Variants in TMPRSS12 observed in about 807,000 individuals in gnomAD.
The protein encoded by TMPRSS12 is transmembrane protease serine 12.
In TMPRSS12, 25 loss-of-function variants were observed where a neutral mutation model predicts 26.0. The ratio of observed to expected loss-of-function variants is 0.96; its 90% CI spans 0.70 to 1.34. TMPRSS12 has a LOEUF of 1.34. Among genes scored for constraint, TMPRSS12 ranks in the 40% most tolerant of loss-of-function variants. The pLI, the probability that TMPRSS12 is intolerant of heterozygous loss-of-function variation, is 0.00. For missense variants in TMPRSS12, 441 were observed against 440.1 expected (o/e 1.00, Z -0.02); for synonymous variants, 150 against 161.7 (o/e 0.93, Z 0.55).
intron 3 of TMPRSS12, among the ~76,000 whole-genome samples, chr12:50,862,807 G>A (rs547849945): frequency 9.2e-5 from 14 of 152,066 alleles, no homozygotes; most frequent in Admixed American, 3.3e-4. Context: ...GACTACAGGC[G>A]TGAGCCCCTG....
intron 4 of TMPRSS12, 194 bp downstream of exon 4, chr12:50,885,582 A>C (rs1229318693): frequency 1.5e-6 from 1 of 685,000 alleles, no homozygotes; most frequent in African/African-American, 1.8e-5. Flanking sequence ...TGTCATCAGT[A>C]GGCAGAATTT....
In TMPRSS12 at chr12:50,887,548, A is replaced by C; in HGVS notation, c.*35A>C. On this transcript the variant is annotated 3_prime_UTR_variant, in exon 5 of 5. Coordinates refer to ENST00000398458, the MANE Select transcript of TMPRSS12 (RefSeq NM_182559.3). ...GAAGGCTTTCATATCTTTATTTTGC[A>C]TTGTGTCCCTTTCTATGTTCTATAT... 1 of 1,593,874 alleles carries C rather than the reference A, an allele frequency of 6.3e-7. No homozygotes were observed. Among genetic ancestry groups the C allele is most frequent in the African/African-American group, 1.4e-5 (1 of 73,974 alleles).
intron 3 of TMPRSS12, among the ~76,000 whole-genome samples, chr12:50,879,169 G>T (rs573713809): frequency 2.0e-5 from 3 of 152,244 alleles, no homozygotes; most frequent in East Asian, 3.9e-4. Flanking sequence ...ACTCAAAATG[G>T]ATCATAGACC....
chr12:50,865,256 C>T (rs1937980223), intron 3 of TMPRSS12, among the ~76,000 whole-genome samples: 1 of 152,024 alleles, frequency 6.6e-6, no homozygotes, highest in African/African-American at 2.4e-5. Flanking sequence ...TCACTTGAAC[C>T]AGGAGGCAGA....
At chr12:50,869,428 C>T (rs1349055721) in intron 3 of TMPRSS12, among the ~76,000 whole-genome samples, 1 of 152,098 alleles carries the variant, frequency 6.6e-6, no homozygotes, top group Non-Finnish European at 1.5e-5. Context: ...TGGAAAAATA[C>T]AACCCTCCTA....
chr12:50,865,019 G>A (rs924512756), intron 3 of TMPRSS12, among the ~76,000 whole-genome samples: 1 of 152,054 alleles, frequency 6.6e-6, no homozygotes, highest in Non-Finnish European at 1.5e-5. Flanking sequence ...AATGAAAAAC[G>A]TAATTGCTAG....
At chr12:50,861,043 T>C (rs952288760) in intron 3 of TMPRSS12, among the ~76,000 whole-genome samples, 2 of 152,156 alleles carry the variant, frequency 1.3e-5, no homozygotes, top group African/African-American at 4.8e-5. Flanking sequence ...ATGCCTGTCC[T>C]GGGTCCTGTT....
chr12:50,858,632 C>G (rs1937904079), intron 2 of TMPRSS12, among the ~76,000 whole-genome samples, 153 bp from the exon 3 acceptor site: 1 of 152,052 alleles, frequency 6.6e-6, no homozygotes, highest in Admixed American at 6.5e-5. Context: ...TTCCCTAGAT[C>G]ATGATATTTG....
In TMPRSS12 at chr12:50,885,354, C is replaced by T. The variant is rs779172967; in HGVS notation, c.761C>T (p.Ala254Val). 1 of 1,613,714 alleles carries T rather than the reference C, an allele frequency of 6.2e-7. No homozygotes were observed. Among genetic ancestry groups the T allele is most frequent in the Non-Finnish European group, 8.5e-7 (1 of 1,179,806 alleles). Residue 254 changes from alanine to valine, a missense_variant, in exon 4 of 5, where the codon GCA becomes GTA. Ala to Val is a moderately conservative substitution (Grantham distance 64, BLOSUM62 0). Transcript: ENST00000398458. ...GGIIPNTSFC[A>V]GDEDGAFDTC... is the part of the protein sequence containing the mutation. ...ATAATTCCTAACACTTCATTTTGTGCAGGTGATGAAGATGGAGCTTTTGAT... is the reference window on the plus strand; with the variant it reads ...ATAATTCCTAACACTTCATTTTGTGTAGGTGATGAAGATGGAGCTTTTGAT...
At position 50,858,748 on chromosome 12, in the gene TMPRSS12, A is replaced by AT. The variant is rs1592219107; in HGVS notation, c.384-37_384-36insT. On this transcript the variant is annotated intron_variant, in intron 2 of 4. Transcript: ENST00000398458. ...ATTAAGAATATGTACTTAGTTAATT[A>AT]AAGATATTTATAATAAGAATGTTTA... 1.2e-5 allele frequency: 17 copies of AT among 1,422,818 alleles called. No homozygotes were observed. The East Asian group carries it at 4.1e-4, about 34-fold the overall frequency. The allele number at this position is 1,422,818 out of a possible 1,614,324, so 88.1% of individuals were successfully genotyped here.
At chr12:50,863,107 G>A (rs1207665862) in intron 3 of TMPRSS12, among the ~76,000 whole-genome samples, 1 of 151,882 alleles carries the variant, frequency 6.6e-6, no homozygotes, top group Non-Finnish European at 1.5e-5. Flanking sequence ...GGAGTTCGAG[G>A]TTATGGTGAG....
chr12:50,866,756 A>G (rs181641645), intron 3 of TMPRSS12, among the ~76,000 whole-genome samples: 2 of 152,122 alleles, frequency 1.3e-5, no homozygotes, highest in African/African-American at 4.8e-5. Flanking sequence ...CCACTGGAAC[A>G]GGTGCTGGTA....
At chr12:50,845,967 C>T (rs568479840) in intron 2 of TMPRSS12, among the ~76,000 whole-genome samples, 1 of 152,220 alleles carries the variant, frequency 6.6e-6, no homozygotes, top group Admixed American at 6.5e-5. Context: ...GTCCTTTGTC[C>T]ATTTTTGAAC....
intron 3 of TMPRSS12, among the ~76,000 whole-genome samples, chr12:50,872,909 C>CG (rs1555206510): frequency 0.01 from 597 of 58,494 alleles, 151 homozygotes; most frequent in East Asian, 0.026. Context: ...ATATATATGA[C>CG]TATATATGTA....
At chr12:50,880,966 C>CTTTTTTTTTTTTTTT (rs869152225) in intron 3 of TMPRSS12, among the ~76,000 whole-genome samples, 3 of 61,800 alleles carry the variant, frequency 4.9e-5, no homozygotes, top group Non-Finnish European at 5.7e-5. Context: ...TCAGTAATTT[C>CTTTTTTTTTTTTTTT]TTTTTTTTTT....
chr12:50,877,732 C>T (rs1938125805), intron 3 of TMPRSS12, among the ~76,000 whole-genome samples: 1 of 152,196 alleles, frequency 6.6e-6, no homozygotes, highest in South Asian at 2.1e-4. Flanking sequence ...TCCTGAGCTT[C>T]CTGAGTAGCT....
intron 3 of TMPRSS12, among the ~76,000 whole-genome samples, chr12:50,870,210 C>CA (rs1399771621): frequency 6.6e-6 from 1 of 151,822 alleles, no homozygotes; most frequent in East Asian, 1.9e-4. Flanking sequence ...ACAACAACAA[C>CA]AAAAAACAAA....
Position 50,878,400 on chromosome 12 carries a change from G to A in TMPRSS12, c.653-6846G>A, listed in dbSNP as rs548981637. On this transcript the variant is annotated intron_variant, in intron 3 of 4. Coordinates refer to ENST00000398458, the MANE Select transcript of TMPRSS12 (RefSeq NM_182559.3). ...ATTTAAAGACCAGCCTGCGCAATAC[G>A]GTGAGCCCCTATCTCTGCAAAAATA... Among the ~76,000 whole-genome samples, 3 of 150,270 alleles carry A rather than the reference G, an allele frequency of 2.0e-5. No individual in the cohort carries two copies. In the South Asian group the frequency reaches 6.4e-4, roughly 32 times the overall value.
chr12:50,883,501 T>G (rs1287975492), intron 3 of TMPRSS12, among the ~76,000 whole-genome samples: 1 of 152,032 alleles, frequency 6.6e-6, no homozygotes, highest in Non-Finnish European at 1.5e-5. Context: ...CTGGGCAATA[T>G]AGCAAGACCT....
Sources: gnomAD v4.1 joint callset for allele counts (sites outside exome capture counted in the v4.1 genomes callset) on GRCh38, gnomAD v4.1.1 for gene constraint, MANE v1.5 for transcripts, NCBI Gene and HGNC (gene_info 2026-07-23, HGNC 2026-07-21) for gene names.